HEATR5A: variants seen among roughly 807,000 people sequenced by gnomAD.
The protein encoded by HEATR5A is HEAT repeat containing 5A, also known as HEAT repeat-containing protein 5A.
Under a neutral mutation model 218.8 loss-of-function variants are expected in HEATR5A, and 178 were observed. That is an observed-to-expected ratio of 0.81 (90% CI 0.72 to 0.92). The LOEUF (loss-of-function observed/expected upper bound fraction) is 0.92, where lower values mean the gene tolerates loss of function less well. Ranked by LOEUF, HEATR5A falls within the 40% of genes least tolerant of loss-of-function variation. The pLI, the probability that HEATR5A is intolerant of heterozygous loss-of-function variation, is 0.00. For synonymous variants in HEATR5A, 864 were observed against 871.6 expected, an observed-to-expected ratio of 0.99 and a Z score of 0.15; for missense variants, 2,420 against 2,418.9, an observed-to-expected ratio of 1.00 and a Z score of -0.01.
chr14:31,328,896 A>T (rs1241953202), intron 22 of HEATR5A, among the ~76,000 whole-genome samples: 2 of 151,926 alleles, frequency 1.3e-5, no homozygotes, highest in Non-Finnish European at 2.9e-5. Context: ...AAAGGAAAAA[A>T]AAAAAAAAGA....
intron 6 of HEATR5A, among the ~76,000 whole-genome samples, chr14:31,390,947 G>A (rs752172689): frequency 8.5e-5 from 13 of 152,092 alleles, no homozygotes; most frequent in Non-Finnish European, 1.5e-4. Context: ...AGCTCCATGC[G>A]TGTCACTGCC....
In HEATR5A at chr14:31,402,918, C is replaced by T. The variant is rs2030931952; in HGVS notation, c.58G>A (p.Val20Ile). 2 of 1,536,238 alleles carry T rather than the reference C, an allele frequency of 1.3e-6. No homozygotes were observed. The highest frequency in any genetic ancestry group is 2.0e-5 in the Admixed American group (1 of 50,982). Residue 20 changes from valine to isoleucine, a missense_variant, in exon 2 of 36, where the codon GTT becomes ATT. Val to Ile is a conservative substitution (Grantham distance 29). Transcript: ENST00000543095. The stretch of plus-strand genomic sequence containing the variant: ...TCAAAAATAAACTCTGCCTTCTGAA[C>T]TTCACCTAGTTGATTGTATGCTTCT... ...NEEAYNQLGE[V>I]QKAEFIFEWL...
intron 21 of HEATR5A, among the ~76,000 whole-genome samples, chr14:31,339,140 CAT>C (rs910212841): frequency 1.4e-5 from 2 of 146,648 alleles, no homozygotes; most frequent in African/African-American, 5.0e-5. Flanking sequence ...AAAACAAAAA[CAT>C]ATATATATGT....
intron 30 of HEATR5A, 94 bp from the exon 31 acceptor site, chr14:31,306,973 A>G (rs1899574728): frequency 9.6e-7 from 1 of 1,040,328 alleles, no homozygotes. Flanking sequence ...AAAATTCAGA[A>G]AAACAGAATG....
chr14:31,351,911 G>A (rs1026494258), intron 16 of HEATR5A, among the ~76,000 whole-genome samples: 1 of 151,898 alleles, frequency 6.6e-6, no homozygotes, highest in African/African-American at 2.4e-5. Flanking sequence ...CACTGTGCCT[G>A]GTCATTTTTC....
intron 34 of HEATR5A, chr14:31,295,589 A>G (rs1196461057): frequency 6.7e-6 from 1 of 148,886 alleles, no homozygotes; most frequent in Non-Finnish European, 1.4e-5. Context: ...TTTAAATAAA[A>G]TCCACTATAA....
intron 21 of HEATR5A, among the ~76,000 whole-genome samples, chr14:31,338,981 A>C (rs550352183): frequency 6.6e-6 from 1 of 151,470 alleles, no homozygotes; most frequent in South Asian, 2.1e-4. Flanking sequence ...TTAGCCGGGC[A>C]TGGTGGCAGG....
At chr14:31,345,044 T>C in intron 20 of HEATR5A, 43 bp downstream of exon 20, 1 of 1,508,696 alleles carries the variant, frequency 6.6e-7, no homozygotes, top group African/African-American at 1.4e-5. Flanking sequence ...CTTTTATGTG[T>C]ATTATTTTTA....
In HEATR5A at chr14:31,320,087, T is replaced by C. The variant is rs144360926; in HGVS notation, c.3969+1412A>G. 6.6e-3 allele frequency: 1,433 copies of C among 217,920 alleles called. 17 individuals are homozygous for C. Among genetic ancestry groups the C allele is most frequent in the African/African-American group, 0.032 (1,353 of 42,852 alleles). The allele number at this position is 217,920 out of a possible 1,614,324, so 13.5% of individuals were successfully genotyped here. On this transcript the variant is annotated intron_variant, in intron 25 of 35. Coordinates refer to ENST00000543095, the MANE Select transcript of HEATR5A (RefSeq NM_015473.4). ...AATAAATGAAAGAGGTTATATATAT[T>C]ATGAAAATTAACCTTTATTTATTTA...
At chr14:31,379,095 C>A (rs1212856623) in intron 11 of HEATR5A, among the ~76,000 whole-genome samples, 1 of 150,604 alleles carries the variant, frequency 6.6e-6, no homozygotes. Flanking sequence ...GCACATGCCA[C>A]CATGTCTGGC....
chr14:31,326,093 TG>T, intron 23 of HEATR5A, 69 bp downstream of exon 23: 1 of 1,203,526 alleles, frequency 8.3e-7, no homozygotes, highest in Non-Finnish European at 1.2e-6. Flanking sequence ...GAATTCTCAG[TG>T]GTAAACAATT....
rs77675897 is a variant in HEATR5A at position 31,378,801 on chromosome 14, C to CA, written c.1708+1665dup. On this transcript the variant is annotated intron_variant, in intron 11 of 35. Coordinates refer to ENST00000543095, the MANE Select transcript of HEATR5A (RefSeq NM_015473.4). ...AGACTCCACCTCAAAAAAAAACAAA[C>CA]AAAAAAAAAAAACACTACTTAAAGT... Among the ~76,000 whole-genome samples the CA allele has an allele frequency of 6.8e-3, 716 of 105,074 alleles. 4 individuals carry two copies. The highest frequency in any genetic ancestry group is 0.012 in the South Asian group (35 of 3,020). The allele number at this position is 105,074 out of a possible 152,430, so 68.9% of individuals were successfully genotyped here.
intron 6 of HEATR5A, among the ~76,000 whole-genome samples, chr14:31,392,812 A>G (rs1333449410): frequency 6.6e-6 from 1 of 152,200 alleles, no homozygotes; most frequent in Non-Finnish European, 1.5e-5. Context: ...CAAAATTCAT[A>G]AAGTCATCCT....
chr14:31,323,467 C>T (rs1900171523), intron 24 of HEATR5A, 98 bp downstream of exon 24: 2 of 1,006,208 alleles, frequency 2.0e-6, no homozygotes, highest in South Asian at 2.2e-5. Context: ...TGGCTAGTTT[C>T]ATTTTAAAAA....
intron 22 of HEATR5A, chr14:31,334,566 ATGCTATC>A: frequency 2.6e-6 from 1 of 390,228 alleles, no homozygotes; most frequent in Non-Finnish European, 5.2e-6. Flanking sequence ...TCTAACTAAA[ATGCTATC>A]AAAAAGCATT....
intron 2 of HEATR5A, among the ~76,000 whole-genome samples, chr14:31,402,275 C>T (rs1025462232): frequency 1.3e-5 from 2 of 152,134 alleles, no homozygotes; most frequent in South Asian, 2.1e-4. Flanking sequence ...TTTTAGGAGA[C>T]GTAGGCTAAA....
chr14:31,359,729 C>CAAAAAA (rs376157768), intron 14 of HEATR5A, among the ~76,000 whole-genome samples: 612 of 31,906 alleles, frequency 0.019, no homozygotes, highest in East Asian at 0.024. Context: ...CATCTCAAGA[C>CAAAAAA]AAAAAAAAAA....
rs753161292 is a variant in HEATR5A, at chr14:31,323,691, GAT to G, written c.3659_3660del (p.Asn1220ThrfsTer6). On this transcript the variant is annotated frameshift_variant, in exon 24 of 36. Coordinates refer to ENST00000543095, the MANE Select transcript of HEATR5A (RefSeq NM_015473.4). LOFTEE classifies it high-confidence loss of function. ...GCAAAGACTCTAGTAGCCCATCGGG[GAT>G]TGGTAAAAGGATGGGATTTTTCATC... The part of the protein sequence containing the change: ...RRDEKSHPFT[N>X]PRWATRVFAA... 2 of 1,613,678 alleles carry G rather than the reference GAT, an allele frequency of 1.2e-6. No individual in the cohort carries two copies. The highest frequency in any genetic ancestry group is 2.2e-5 in the South Asian group (2 of 91,072).
chr14:31,322,257 A>G (rs967747846), intron 24 of HEATR5A, among the ~76,000 whole-genome samples: 1 of 152,230 alleles, frequency 6.6e-6, no homozygotes, highest in Non-Finnish European at 1.5e-5. Flanking sequence ...GTGGAGAGAT[A>G]TAAGAAAATC....
Sources: allele counts gnomAD v4.1 joint callset (sites outside exome capture counted in the v4.1 genomes callset), GRCh38; gene constraint gnomAD v4.1.1; transcripts MANE v1.5; gene names NCBI Gene and HGNC (gene_info 2026-07-23, HGNC 2026-07-21).